Variants in MPST observed in about 807,000 individuals in gnomAD.
The protein encoded by MPST is 3-mercaptopyruvate sulfurtransferase.
In MPST, 27 loss-of-function variants were observed where a neutral mutation model predicts 28.5. The ratio of observed to expected loss-of-function variants is 0.95; its 90% CI spans 0.70 to 1.31. MPST has a LOEUF of 1.31. Ranked by LOEUF, MPST falls within the 50% of genes most tolerant of loss-of-function variation. The pLI is 0.00. For synonymous variants in MPST, 204 were observed against 209.3 expected, an observed-to-expected ratio of 0.97 and a Z score of 0.22; for missense variants, 492 against 471.1, an observed-to-expected ratio of 1.04 and a Z score of -0.41.
intron 1 of MPST, 30 bp from the exon 2 acceptor site, chr22:37,024,162 T>C (rs1923284879): frequency 7.3e-7 from 1 of 1,369,504 alleles, no homozygotes; most frequent in African/African-American, 1.5e-5. Context: ...CTCTCCCTGC[T>C]TCCCTTCTGA....
intron 2 of MPST, chr22:37,025,956 G>A (rs534070001): frequency 1.3e-5 from 2 of 152,210 alleles, no homozygotes; most frequent in Non-Finnish European, 2.9e-5. Context: ...GCACAGAGTC[G>A]ATGTTCCAGA....
chr22:37,019,909 GGGGA>G, intron 1 of MPST, 37 bp downstream of exon 1: 1 of 1,127,794 alleles, frequency 8.9e-7, no homozygotes, highest in Non-Finnish European at 1.1e-6. Flanking sequence ...CTTTCTGGAG[GGGGA>G]GGGAGTGGCT....
In MPST at chr22:37,029,608, C is replaced by T. The variant is rs1923770212; in HGVS notation, c.*94C>T. 6 of 1,281,344 alleles carry T rather than the reference C, an allele frequency of 4.7e-6. No homozygotes were observed. The highest frequency in any genetic ancestry group is 5.3e-6 in the Non-Finnish European group (5 of 939,596). 79.4% of individuals were successfully genotyped at this position (1,281,344 alleles called of 1,614,324 possible). On this transcript the variant is annotated 3_prime_UTR_variant, in exon 3 of 3. Transcript: ENST00000429360. ...TTCTGCTTTCACCAAGAGAGTGTTT[C>T]TTCACTCAACTCAGGTGGCATTTGG...
At chr22:37,026,160 G>T (rs1923511376) in intron 2 of MPST, 1 of 152,230 alleles carries the variant, frequency 6.6e-6, no homozygotes, top group African/African-American at 2.4e-5. Flanking sequence ...AGGGGAATGA[G>T]CAACACAGGG....
intron 2 of MPST, chr22:37,028,881 A>C: frequency 4.0e-6 from 1 of 247,828 alleles, no homozygotes; most frequent in Non-Finnish European, 7.8e-6. Context: ...TGCACGTTCT[A>C]GCTAGGCAGG....
intron 2 of MPST, chr22:37,025,051 A>AC: frequency 6.6e-7 from 1 of 1,506,442 alleles, no homozygotes. Context: ...ATCATGGCTC[A>AC]CTGCAGCCTC....
intron 1 of MPST, among the ~76,000 whole-genome samples, chr22:37,021,597 C>T (rs1433073644): frequency 1.3e-5 from 2 of 152,014 alleles, no homozygotes; most frequent in Non-Finnish European, 2.9e-5. Flanking sequence ...CTCAGCCTCC[C>T]GGGTAGCTGG....
intron 2 of MPST, chr22:37,027,506 C>T (rs1231525173): frequency 6.6e-6 from 1 of 152,170 alleles, no homozygotes; most frequent in African/African-American, 2.4e-5. Flanking sequence ...GGGAGGATCC[C>T]TTGAGCCCAG....
At chr22:37,027,744 G>A (rs1046606031) in intron 2 of MPST, 3 of 152,170 alleles carry the variant, frequency 2.0e-5, no homozygotes, top group South Asian at 2.1e-4. Context: ...TAACCCCTCC[G>A]GGCAACAGGT....
rs966369035 is a variant in MPST, at chr22:37,029,219, T to C, written c.659T>C (p.Ile220Thr). 4 of 1,613,670 alleles carry C rather than the reference T, an allele frequency of 2.5e-6. No homozygotes were observed. Among genetic ancestry groups the C allele is most frequent in the African/African-American group, 2.7e-5 (2 of 75,028 alleles). Residue 220 changes from isoleucine to threonine, a missense_variant, in exon 3 of 3, where the codon ATT becomes ACT. Physicochemically the swap from Ile to Thr is moderately conservative, Grantham distance 89. Coordinates refer to ENST00000429360, the MANE Select transcript of MPST (RefSeq NM_021126.8). ...CCTCCCTGCTCCCCTGCTGTAGGCA[T>C]TGAACCTGGCCACATCCCAGGTACC... The part of the protein sequence containing the change: ...RGTEPEPRDG[I>T]EPGHIPGTVN...
chr22:37,029,181 C>G (rs746755762), intron 2 of MPST, 35 bp from the exon 3 acceptor site: 4 of 1,591,436 alleles, frequency 2.5e-6, no homozygotes, highest in Non-Finnish European at 3.4e-6. Flanking sequence ...TAGCATCCTT[C>G]TATTTGTCCC....
chr22:37,025,564 G>A (rs1923461167), intron 2 of MPST: 1 of 163,796 alleles, frequency 6.1e-6, no homozygotes, highest in East Asian at 1.7e-4. Flanking sequence ...GCGAGGAGGA[G>A]TCCCCACAAA....
Position 37,029,447 on chromosome 22 carries a change from G to T in MPST, c.887G>T (p.Trp296Leu). 6.2e-7 allele frequency: 1 copy of T among 1,613,626 alleles called. No individual in the cohort carries two copies. Residue 296 changes from tryptophan (W) to leucine (L), a missense_variant, in exon 3 of 3, where the codon TGG becomes TTG. Transcript: ENST00000429360. The part of the protein sequence containing the change: ...KPDVPIYDGS[W>L]VEWYMRARPE... ...GACGTGCCCATCTACGATGGCTCCT[G>T]GGTGGAGTGGTACATGCGCGCCCGG...
In MPST at chr22:37,019,776, T is replaced by G; in HGVS notation, c.-61T>G. The G allele has an allele frequency of 2.6e-6, 2 of 771,698 alleles. No homozygotes were observed. The highest frequency in any genetic ancestry group is 3.5e-6 in the Non-Finnish European group (2 of 568,662). 47.8% of individuals were successfully genotyped at this position (771,698 alleles called of 1,614,324 possible). On this transcript the variant is annotated 5_prime_UTR_variant, in exon 1 of 3. Coordinates refer to ENST00000429360, the MANE Select transcript of MPST (RefSeq NM_021126.8). ...TCTCCTCCCTTTGGTCCGCTGCAGG[T>G]TGGTGGCGGGAGGAGGGGACAGCTG... is the stretch of plus-strand genomic sequence containing the variant.
In MPST at chr22:37,029,409, C is replaced by G. The variant is rs765440961; in HGVS notation, c.849C>G (p.Leu283=). 1 of 1,613,958 alleles carries G rather than the reference C, an allele frequency of 6.2e-7. No individual in the cohort carries two copies. The highest frequency in any genetic ancestry group is 8.5e-7 in the Non-Finnish European group (1 of 1,180,040). The part of the protein sequence containing the change: ...TACHVALGAY[L]CGKPDVPIYD... ...GCCACGTGGCACTAGGGGCCTACCT[C>G]TGCGGCAAGCCAGACGTGCCCATCT... Residue 283 remains leucine (L), a synonymous_variant, in exon 3 of 3, where the codon CTC becomes CTG. Transcript: ENST00000429360.
intron 1 of MPST, chr22:37,023,750 AG>A: frequency 8.8e-7 from 1 of 1,139,636 alleles, no homozygotes; most frequent in Non-Finnish European, 1.1e-6. Flanking sequence ...TGTTCCTATT[AG>A]GTCGCCAATA....
chr22:37,024,210 G>A lies in MPST; in HGVS notation c.55G>A (p.Ala19Thr), dbSNP rs1317087515. 7.2e-7 allele frequency: 1 copy of A among 1,379,646 alleles called. No homozygotes were observed. The highest frequency in any genetic ancestry group is 3.0e-5 in the East Asian group (1 of 33,794). The allele number at this position is 1,379,646 out of a possible 1,614,324, so 85.5% of individuals were successfully genotyped here. A position where few individuals can be genotyped will look rare whatever the true frequency, so the allele number is the denominator to read the frequency against. The change falls in exon 2 of 3, where the codon GCC becomes ACC. Residue 19 changes from alanine (A) to threonine (T), a missense_variant. Ala to Thr is a moderately conservative substitution (Grantham distance 58, BLOSUM62 0). Coordinates refer to ENST00000429360, the MANE Select transcript of MPST (RefSeq NM_021126.8). Reference sequence around the variant, plus strand: ...CGCCCAGGCCCGCAGCCCGAGTGTCGCCGCCATGGCTTCGCCGCAGCTCTG... The same window carrying A: ...CGCCCAGGCCCGCAGCCCGAGTGTCACCGCCATGGCTTCGCCGCAGCTCTG... Reference protein sequence around the residue: ...SETRARSPSVAAMASPQLCRA... With the variant: ...SETRARSPSVTAMASPQLCRA...
chr22:37,025,817 A>G (rs1484880396), intron 2 of MPST: 1 of 152,218 alleles, frequency 6.6e-6, no homozygotes, highest in African/African-American at 2.4e-5. Context: ...CTCTCTGAAG[A>G]GCATTCCCAT....
chr22:37,025,251 G>A, intron 2 of MPST: 3 of 1,028,124 alleles, frequency 2.9e-6, no homozygotes, highest in Non-Finnish European at 3.8e-6. Flanking sequence ...GGGAACCCTG[G>A]TTGCCCAAAC....
Sources: allele counts gnomAD v4.1 joint callset (sites outside exome capture counted in the v4.1 genomes callset), GRCh38; gene constraint gnomAD v4.1.1; transcripts MANE v1.5; gene names NCBI Gene and HGNC (gene_info 2026-07-23, HGNC 2026-07-21).